The following ECT2L variants were observed in gnomAD, a reference collection of about 807,000 sequenced individuals.
ECT2L encodes epithelial cell-transforming sequence 2 oncogene-like.
Under a neutral mutation model 122.8 loss-of-function variants are expected in ECT2L, and 126 were observed. The observed-to-expected ratio is 1.03, with a 90% CI of 0.89 to 1.19. The LOEUF is 1.19. Among genes scored for constraint, ECT2L ranks in the 50% most tolerant of loss-of-function variants. ECT2L has a pLI of 0.00. For missense variants in ECT2L, 1,012 were observed against 1,064.1 expected, an observed-to-expected ratio of 0.95 and a Z score of 0.68; for synonymous variants, 385 against 381.8, an observed-to-expected ratio of 1.01 and a Z score of -0.10.
At chr6:138,879,571 A>T (rs1475032017) in intron 14 of ECT2L, among the ~76,000 whole-genome samples, 1 of 152,230 alleles carries the variant, frequency 6.6e-6, no homozygotes, top group Admixed American at 6.5e-5. Flanking sequence ...AATAAAAATT[A>T]ATTTCTCTCT....
intron 9 of ECT2L, among the ~76,000 whole-genome samples, chr6:138,851,311 G>A (rs1777443362): frequency 6.6e-6 from 1 of 151,762 alleles, no homozygotes; most frequent in African/African-American, 2.4e-5. Flanking sequence ...TCCTCAGTGT[G>A]TCCTAAGTAG....
intron 1 of ECT2L, among the ~76,000 whole-genome samples, chr6:138,811,850 G>A (rs780830002): frequency 2.0e-5 from 3 of 151,886 alleles, no homozygotes; most frequent in East Asian, 3.9e-4. Context: ...CACTATGCCC[G>A]GCCAATTTTT....
chr6:138,878,860 A>G (rs1337828868), intron 14 of ECT2L: 1 of 152,390 alleles, frequency 6.6e-6, no homozygotes, highest in South Asian at 2.1e-4. Context: ...TTTTTTTAAA[A>G]ATGCTTGTGC....
intron 15 of ECT2L, among the ~76,000 whole-genome samples, chr6:138,881,910 G>C (rs1019646744): frequency 6.6e-6 from 1 of 152,124 alleles, no homozygotes; most frequent in African/African-American, 2.4e-5. Context: ...CCTATCCATG[G>C]CCTGGGGGTT....
intron 4 of ECT2L, 97 bp from the exon 5 acceptor site, chr6:138,838,255 T>TA: frequency 1.8e-6 from 2 of 1,119,060 alleles, no homozygotes; most frequent in Non-Finnish European, 2.5e-6. Flanking sequence ...TTTTTATAGG[T>TA]AGAACATTGG....
chr6:138,888,475 TA>T (rs1778905875), intron 19 of ECT2L, among the ~76,000 whole-genome samples: 1 of 94,552 alleles, frequency 1.1e-5, no homozygotes, highest in South Asian at 2.6e-4. Context: ...CACACCTGGC[TA>T]ATTTTTTTTG....
At chr6:138,887,336 C>G (rs1037243148) in intron 19 of ECT2L, among the ~76,000 whole-genome samples, 5 of 151,958 alleles carry the variant, frequency 3.3e-5, no homozygotes, top group Non-Finnish European at 7.4e-5. Context: ...ACACCATTCT[C>G]CTTCCCCAGC....
intron 13 of ECT2L, among the ~76,000 whole-genome samples, chr6:138,872,271 C>G (rs1387110868): frequency 3.3e-5 from 5 of 152,236 alleles, no homozygotes; most frequent in Non-Finnish European, 7.3e-5. Context: ...AATTCCTCAT[C>G]TTTTTAGTTC....
At chr6:138,841,993 G>A (rs1777054497) in intron 5 of ECT2L, among the ~76,000 whole-genome samples, 1 of 152,154 alleles carries the variant, frequency 6.6e-6, no homozygotes, top group Admixed American at 6.5e-5. Flanking sequence ...TCAGAATCTA[G>A]GGTTAACGTA....
chr6:138,819,371 C>T (rs1355024916), intron 4 of ECT2L, among the ~76,000 whole-genome samples: 2 of 152,042 alleles, frequency 1.3e-5, no homozygotes. Flanking sequence ...TTGAAGTTCT[C>T]ACTCCCATTT....
Position 138,862,718 on chromosome 6 carries a change from CAGTA to C in ECT2L, c.1291+3_1291+6del. ...GGATTGCAACTGGCTCTTACCAGCACAGTAAGTGTTATGGGAGCTGAGCGCCACG... is the reference window on the plus strand; with the variant it reads ...GGATTGCAACTGGCTCTTACCAGCACAGTGTTATGGGAGCTGAGCGCCACG... On this transcript the variant is annotated splice_donor_variant and splice_donor_region_variant and coding_sequence_variant and intron_variant, in exon 11 of 22. Coordinates refer to ENST00000541398, the MANE Select transcript of ECT2L (RefSeq NM_001077706.3). LOFTEE classifies it high-confidence loss of function. The C allele has an allele frequency of 6.2e-7, 1 of 1,613,688 alleles. No individual in the cohort carries two copies. Among genetic ancestry groups the C allele is most frequent in the Non-Finnish European group, 8.5e-7 (1 of 1,179,604 alleles).
At position 138,885,793 on chromosome 6, in the gene ECT2L, T is replaced by C. The variant is rs751410242; in HGVS notation, c.2222T>C (p.Ile741Thr). 37 of 1,614,068 alleles carry C rather than the reference T, an allele frequency of 2.3e-5. No homozygotes were observed. The East Asian group carries it at 3.8e-4, about 17-fold the overall frequency. The change falls in exon 18 of 22, where the codon ATT becomes ACT. Residue 741 changes from isoleucine (I) to threonine (T), a missense_variant. By Grantham distance (89) the Ile-to-Thr change is moderately conservative. Transcript: ENST00000541398. ...HVDRGDLTTA[I>T]DQIKKYKGYI... ...GACCGTGGGGACTTGACCACTGCAATTGACCAAATCAAAAAATATAAAGGT... is the reference window on the plus strand; with the variant it reads ...GACCGTGGGGACTTGACCACTGCAACTGACCAAATCAAAAAATATAAAGGT...
intron 20 of ECT2L, among the ~76,000 whole-genome samples, chr6:138,896,582 T>G (rs944902543): frequency 1.3e-5 from 2 of 152,162 alleles, no homozygotes; most frequent in Non-Finnish European, 2.9e-5. Flanking sequence ...GATAATCAGT[T>G]TTGACTCAGG....
chr6:138,867,647 T>C (rs1347667972), intron 12 of ECT2L, among the ~76,000 whole-genome samples: 2 of 89,424 alleles, frequency 2.2e-5, no homozygotes, highest in Admixed American at 2.6e-4. Context: ...CGGTCTCTCC[T>C]AAAACTACAA....
chr6:138,848,372 C>T (rs529555953), intron 8 of ECT2L, among the ~76,000 whole-genome samples: 2 of 151,926 alleles, frequency 1.3e-5, no homozygotes, highest in South Asian at 4.2e-4. Context: ...GTCAGAAATC[C>T]TGTTTGGTTT....
chr6:138,850,235 C>T (rs1442282746), intron 9 of ECT2L, among the ~76,000 whole-genome samples: 1 of 152,060 alleles, frequency 6.6e-6, no homozygotes, highest in East Asian at 1.9e-4. Context: ...CTCTCTGCCT[C>T]CGGGGTTCAA....
rs201942921 is a variant in ECT2L, at chr6:138,886,857, A to G, written c.2260A>G (p.Met754Val). The change falls in exon 19 of 22, where the codon ATG becomes GTG. Residue 754 changes from methionine to valine, a missense_variant and splice_region_variant. Met to Val is a conservative substitution (Grantham distance 21, BLOSUM62 1). Transcript: ENST00000541398. ...IKKYKGYIDQ[M>V]KQNITMKDHL... ...CCTAAAAGTACTTTTTTTCCCCTAG[A>G]TGAAGCAAAACATCACTATGAAGGA... The G allele has an allele frequency of 5.6e-6, 9 of 1,612,928 alleles. No individual in the cohort carries two copies. The highest frequency in any genetic ancestry group is 7.6e-6 in the Non-Finnish European group (9 of 1,179,374).
intron 20 of ECT2L, among the ~76,000 whole-genome samples, chr6:138,890,230 CAA>C (rs1042178876): frequency 1.3e-5 from 2 of 151,968 alleles, no homozygotes; most frequent in African/African-American, 4.8e-5. Flanking sequence ...GTATTAATGA[CAA>C]AGAGTGATTC....
At chr6:138,890,091 C>T (rs761328385) in intron 20 of ECT2L, among the ~76,000 whole-genome samples, 2 of 152,090 alleles carry the variant, frequency 1.3e-5, no homozygotes, top group Non-Finnish European at 2.9e-5. Flanking sequence ...GTGGTGATAT[C>T]TGCTTTAGAA....
Sources: gnomAD v4.1 joint callset for allele counts (sites outside exome capture counted in the v4.1 genomes callset) on GRCh38, gnomAD v4.1.1 for gene constraint, MANE v1.5 for transcripts, NCBI Gene and HGNC (gene_info 2026-07-23, HGNC 2026-07-21) for gene names.